Variants in LAMA2 observed in about 807,000 individuals in gnomAD.
LAMA2 encodes laminin subunit alpha 2.
In LAMA2, 269 loss-of-function variants were observed where a neutral mutation model predicts 364.8. The observed-to-expected ratio is 0.74, with a 90% CI of 0.67 to 0.82. The LOEUF is 0.82. Ranked by LOEUF, LAMA2 falls within the 40% of genes least tolerant of loss-of-function variation. The pLI is 0.00. For missense variants in LAMA2, 3,807 were observed against 3,873.2 expected (o/e 0.98, Z 0.45); for synonymous variants, 1,379 against 1,370.6 (o/e 1.01, Z -0.14).
chr6:129,456,715 T>G (rs975229133), intron 48 of LAMA2, among the ~76,000 whole-genome samples: 26 of 152,188 alleles, frequency 1.7e-4, no homozygotes, highest in African/African-American at 6.3e-4. Flanking sequence ...TTTAAACAGC[T>G]GTTGTTTTGT....
intron 1 of LAMA2, among the ~76,000 whole-genome samples, chr6:128,918,979 A>C (rs1446967314): frequency 1.3e-5 from 2 of 152,202 alleles, no homozygotes; most frequent in Admixed American, 6.5e-5. Context: ...TGTTTCAAAT[A>C]GTGGAGATCA....
chr6:129,431,542 C>T (rs1047861935), intron 41 of LAMA2, among the ~76,000 whole-genome samples: 13 of 152,044 alleles, frequency 8.6e-5, no homozygotes, highest in South Asian at 4.1e-4. Flanking sequence ...TATATAATTA[C>T]AGTTAACCCT....
At chr6:129,012,487 A>G (rs1784825082) in intron 1 of LAMA2, among the ~76,000 whole-genome samples, 1 of 152,172 alleles carries the variant, frequency 6.6e-6, no homozygotes, top group Non-Finnish European at 1.5e-5. Flanking sequence ...TAAAGTATAC[A>G]TTTATTTTGG....
At chr6:129,207,710 T>A (rs1782771332) in intron 12 of LAMA2, among the ~76,000 whole-genome samples, 2 of 152,282 alleles carry the variant, frequency 1.3e-5, no homozygotes, top group Non-Finnish European at 2.9e-5. Flanking sequence ...GGGTTATTTT[T>A]ATAATGAAAT....
In LAMA2 at chr6:129,276,731, A is replaced by G. The variant is rs149185765; in HGVS notation, c.2451-3330A>G. Among the ~76,000 whole-genome samples the G allele has an allele frequency of 2.6e-3, 390 of 152,302 alleles. 1 individual carries two copies. Among genetic ancestry groups the G allele is most frequent in the Non-Finnish European group, 4.6e-3 (316 of 68,024 alleles). On this transcript the variant is annotated intron_variant, in intron 17 of 64. Coordinates refer to ENST00000421865, the MANE Select transcript of LAMA2 (RefSeq NM_000426.4). ...GTTGATCCACCCTTATCAAATGAAC[A>G]TATGTTATAACATGCATTTTGAATT...
chr6:129,417,560 C>A (rs1780862682), intron 40 of LAMA2, among the ~76,000 whole-genome samples: 2 of 152,272 alleles, frequency 1.3e-5, no homozygotes, highest in South Asian at 2.1e-4. Flanking sequence ...TTCAGGCAGT[C>A]CCTGGCTTGA....
intron 60 of LAMA2, 64 bp downstream of exon 60, chr6:129,503,344 C>T (rs1463692727): frequency 1.4e-6 from 2 of 1,451,324 alleles, no homozygotes; most frequent in Non-Finnish European, 1.9e-6. Flanking sequence ...CATCAGCATT[C>T]TCCTGGTGCC....
intron 10 of LAMA2, among the ~76,000 whole-genome samples, chr6:129,180,466 G>A: frequency 6.6e-6 from 1 of 151,198 alleles, no homozygotes; most frequent in East Asian, 1.9e-4. Flanking sequence ...TTTTTAAATA[G>A]TTTTTTTTTA....
intron 12 of LAMA2, among the ~76,000 whole-genome samples, chr6:129,239,087 A>G (rs981590824): frequency 6.6e-6 from 1 of 152,230 alleles, no homozygotes; most frequent in African/African-American, 2.4e-5. Context: ...GATAACTGCT[A>G]ACTTGTTTAC....
chr6:129,293,689 GAGGTCCCAGGCT>G (rs1562425501), intron 20 of LAMA2, among the ~76,000 whole-genome samples: 1 of 151,954 alleles, frequency 6.6e-6, no homozygotes, highest in African/African-American at 2.4e-5. Flanking sequence ...GAGGGAAGAA[GAGGTCCCAGGCT>G]GAGCTGCAGA....
At chr6:129,060,645 A>G (rs1472949143) in intron 3 of LAMA2, among the ~76,000 whole-genome samples, 1 of 152,194 alleles carries the variant, frequency 6.6e-6, no homozygotes, top group Non-Finnish European at 1.5e-5. Flanking sequence ...AATGACAGAC[A>G]CCATACACTG....
At chr6:129,046,679 C>T (rs1021266662) in intron 1 of LAMA2, among the ~76,000 whole-genome samples, 2 of 152,192 alleles carry the variant, frequency 1.3e-5, no homozygotes, top group African/African-American at 2.4e-5. Flanking sequence ...ATAGCCACAT[C>T]TATATCCAGA....
At chr6:129,357,838 GC>G (rs1373675608) in intron 32 of LAMA2, among the ~76,000 whole-genome samples, 1 of 151,920 alleles carries the variant, frequency 6.6e-6, no homozygotes, top group East Asian at 1.9e-4. Flanking sequence ...GGCAGTGATT[GC>G]CCCCTATATA....
At chr6:129,205,489 T>TAC (rs1239051034) in intron 12 of LAMA2, among the ~76,000 whole-genome samples, 5 of 130,546 alleles carry the variant, frequency 3.8e-5, no homozygotes, top group South Asian at 2.5e-4. Context: ...TATATATATA[T>TAC]ATATACACAC....
intron 1 of LAMA2, among the ~76,000 whole-genome samples, chr6:129,015,265 C>T (rs890506227): frequency 5.9e-5 from 9 of 152,064 alleles, no homozygotes; most frequent in African/African-American, 2.2e-4. Context: ...ATATCAATGT[C>T]TGCTCTGAGA....
chr6:128,925,192 G>A (rs1412746724), intron 1 of LAMA2, among the ~76,000 whole-genome samples: 3 of 152,104 alleles, frequency 2.0e-5, no homozygotes, highest in Non-Finnish European at 2.9e-5. Flanking sequence ...TAAAAGCAGG[G>A]TCCTGAAAAG....
At chr6:128,887,205 C>T (rs1032056821) in intron 1 of LAMA2, among the ~76,000 whole-genome samples, 18 of 152,126 alleles carry the variant, frequency 1.2e-4, no homozygotes, top group African/African-American at 3.6e-4. Context: ...TGTTATAACA[C>T]GCAAGAATAC....
intron 1 of LAMA2, among the ~76,000 whole-genome samples, chr6:128,960,924 A>G (rs1781449038): frequency 6.6e-6 from 1 of 151,626 alleles, no homozygotes; most frequent in African/African-American, 2.4e-5. Context: ...GTTTTCTTTC[A>G]TGGGAGATAC....
chr6:129,138,225 C>T (rs367926961), intron 4 of LAMA2, among the ~76,000 whole-genome samples: 93 of 151,554 alleles, frequency 6.1e-4, no homozygotes, highest in African/African-American at 2.2e-3. Context: ...AAGAGGAAGG[C>T]CAGAGATAAA....
Sources: allele counts gnomAD v4.1 joint callset (sites outside exome capture counted in the v4.1 genomes callset), GRCh38; gene constraint gnomAD v4.1.1; transcripts MANE v1.5; gene names NCBI Gene and HGNC (gene_info 2026-07-23, HGNC 2026-07-21).